SBF2: variants seen among roughly 807,000 people sequenced by gnomAD.
The protein encoded by SBF2 is SET binding factor 2.
SBF2 carries 112 observed loss-of-function variants against 225.2 expected under a neutral mutation model. The observed-to-expected ratio is 0.50, with a 90% CI of 0.43 to 0.58. The LOEUF is 0.58. SBF2 is among the 20% of genes least tolerant of loss of function. The pLI is 0.00. For missense variants in SBF2, 1,996 were observed against 2,206.2 expected (o/e 0.90, Z 1.91); for synonymous variants, 763 against 773.3 (o/e 0.99, Z 0.22).
At chr11:9,902,824 A>G (rs907655210) in intron 16 of SBF2, among the ~76,000 whole-genome samples, 1 of 152,188 alleles carries the variant, frequency 6.6e-6, no homozygotes, top group Non-Finnish European at 1.5e-5. Context: ...AAGGGAGTGG[A>G]TTGGAGTTAG....
At chr11:10,116,758 A>G (rs533137296) in intron 2 of SBF2, among the ~76,000 whole-genome samples, 1 of 151,894 alleles carries the variant, frequency 6.6e-6, no homozygotes, top group Admixed American at 6.6e-5. Context: ...CTTGGTCCTC[A>G]CTTCCTGTGT....
chr11:10,203,913 T>C (rs772414839), intron 1 of SBF2, among the ~76,000 whole-genome samples: 2 of 150,938 alleles, frequency 1.3e-5, no homozygotes, highest in Admixed American at 6.6e-5. Flanking sequence ...GTAACAGGAG[T>C]CAGGAGTCCC....
In SBF2 at chr11:9,852,749, C is replaced by A. The variant is rs1857047331; in HGVS notation, c.2537G>T (p.Gly846Val). The change falls in exon 21 of 40, where the codon GGA becomes GTA. Residue 846 changes from glycine (G) to valine (V), a missense_variant and splice_region_variant. By Grantham distance (109) the Gly-to-Val change is moderately radical. Transcript: ENST00000256190. ...GGTCTCAATGTGCATAGCTACAATT[C>A]CTAGGATGAGTCAGAGTATTCAAAA... ...HIKSLHCMIP[G>V]IVAMHIETLE... 6.2e-7 allele frequency: 1 copy of A among 1,606,964 alleles called. No individual in the cohort carries two copies. The highest frequency in any genetic ancestry group is 1.3e-5 in the African/African-American group (1 of 74,730).
intron 13 of SBF2, among the ~76,000 whole-genome samples, chr11:9,980,336 A>C (rs1366416683): frequency 1.4e-5 from 2 of 147,248 alleles, no homozygotes; most frequent in Admixed American, 6.8e-5. Context: ...GAGTCTCACT[A>C]TATTACCCAG....
chr11:9,941,512 G>A (rs1865251813), intron 16 of SBF2, among the ~76,000 whole-genome samples: 1 of 152,068 alleles, frequency 6.6e-6, no homozygotes, highest in African/African-American at 2.4e-5. Context: ...TCCAATACCA[G>A]CCAAGGAGTA....
intron 13 of SBF2, among the ~76,000 whole-genome samples, chr11:9,971,023 C>T (rs1468798170): frequency 6.6e-6 from 1 of 152,158 alleles, no homozygotes; most frequent in African/African-American, 2.4e-5. Flanking sequence ...AGGCATGACT[C>T]TTACTCATAT....
chr11:10,154,514 C>A (rs1420245004), intron 2 of SBF2, among the ~76,000 whole-genome samples: 1 of 152,106 alleles, frequency 6.6e-6, no homozygotes, highest in Non-Finnish European at 1.5e-5. Flanking sequence ...TTCCTAGTTT[C>A]TAGTTCTCTG....
At chr11:9,869,321 T>C (rs1174291044) in intron 17 of SBF2, among the ~76,000 whole-genome samples, 2 of 152,184 alleles carry the variant, frequency 1.3e-5, no homozygotes, top group Admixed American at 6.5e-5. Context: ...CTGAAAATTT[T>C]TTTTTCTTTT....
In SBF2 at chr11:10,083,464, T is replaced by C. The variant is rs561226971; in HGVS notation, c.142-40483A>G. On this transcript the variant is annotated intron_variant, in intron 2 of 39. Transcript: ENST00000256190. ...AAAAAGAACAAAGTTGGAGGCCCCA[T>C]AGTACCTGGCTTCAAATTACACAAG... Among the ~76,000 whole-genome samples the C allele has an allele frequency of 7.2e-5, 11 of 152,252 alleles. No individual in the cohort carries two copies. In the South Asian group the frequency reaches 2.1e-3, roughly 29 times the overall value.
At position 9,899,472 on chromosome 11, in the gene SBF2, C is replaced by T. The variant is rs191936379; in HGVS notation, c.1861-3461G>A. 5.8e-3 allele frequency among the ~76,000 whole-genome samples: 874 copies of T among 149,734 alleles called. 8 individuals are homozygous for T. Among genetic ancestry groups the T allele is most frequent in the African/African-American group, 0.02 (797 of 40,524 alleles). The stretch of plus-strand genomic sequence containing the variant: ...CAAACTATGATCATGCCGTGACACC[C>T]CAGCCTGGGTGACACAGAGAGACAC... On this transcript the variant is annotated intron_variant, in intron 16 of 39. Transcript: ENST00000256190.
At chr11:10,252,508 A>AT (rs1028886966) in intron 1 of SBF2, among the ~76,000 whole-genome samples, 2 of 152,212 alleles carry the variant, frequency 1.3e-5, no homozygotes, top group African/African-American at 4.8e-5. Context: ...CTGTGTTCAA[A>AT]TAAGGCAAAC....
At chr11:10,208,235 C>T (rs1407867698) in intron 1 of SBF2, among the ~76,000 whole-genome samples, 1 of 152,082 alleles carries the variant, frequency 6.6e-6, no homozygotes, top group Non-Finnish European at 1.5e-5. Flanking sequence ...ATGTGAAATA[C>T]ATACATCTAC....
chr11:10,138,374 T>C (rs1954483897), intron 2 of SBF2, among the ~76,000 whole-genome samples: 2 of 152,186 alleles, frequency 1.3e-5, no homozygotes, highest in South Asian at 4.1e-4. Flanking sequence ...TGTCTATTTG[T>C]TCTAGGGGTG....
intron 17 of SBF2, among the ~76,000 whole-genome samples, chr11:9,877,702 C>T (rs1165958519): frequency 2.0e-5 from 3 of 152,162 alleles, no homozygotes; most frequent in Admixed American, 1.3e-4. Context: ...CAGCTTCATC[C>T]ATGTCCCTGC....
intron 1 of SBF2, among the ~76,000 whole-genome samples, chr11:10,247,649 C>A (rs1475435225): frequency 6.6e-6 from 1 of 151,916 alleles, no homozygotes; most frequent in South Asian, 2.1e-4. Context: ...GAGCCAAGAT[C>A]GTGCCACTGT....
At chr11:9,892,091 T>G (rs1336165414) in intron 17 of SBF2, among the ~76,000 whole-genome samples, 1 of 152,218 alleles carries the variant, frequency 6.6e-6, no homozygotes, top group African/African-American at 2.4e-5. Context: ...GGTTTGTTTT[T>G]GTTAAAAACG....
At chr11:9,923,859 G>A (rs1190338170) in intron 16 of SBF2, among the ~76,000 whole-genome samples, 1 of 150,392 alleles carries the variant, frequency 6.6e-6, no homozygotes, top group South Asian at 2.1e-4. Flanking sequence ...GGATTTCACT[G>A]AAGTATAAAG....
chr11:9,987,875 A>C (rs186211419), intron 13 of SBF2, among the ~76,000 whole-genome samples: 2 of 152,338 alleles, frequency 1.3e-5, no homozygotes, highest in Admixed American at 1.3e-4. Context: ...TGCAATCCTC[A>C]TCGGAATACC....
chr11:10,030,784 T>C (rs1172831952), intron 4 of SBF2, among the ~76,000 whole-genome samples: 2 of 152,206 alleles, frequency 1.3e-5, no homozygotes, highest in African/African-American at 4.8e-5. Flanking sequence ...TTCTTTAGGA[T>C]GTATACATTC....
Sources: allele counts gnomAD v4.1 joint callset (sites outside exome capture counted in the v4.1 genomes callset), GRCh38; gene constraint gnomAD v4.1.1; transcripts MANE v1.5; gene names NCBI Gene and HGNC (gene_info 2026-07-23, HGNC 2026-07-21).